The following NACC2 variants were observed in gnomAD, a reference collection of about 807,000 sequenced individuals.
NACC2 encodes the protein nucleus accumbens-associated protein 2.
A neutral mutation model predicts 25.1 loss-of-function variants in NACC2; 8 were observed. The ratio of observed to expected loss-of-function variants is 0.32; its 90% CI spans 0.19 to 0.57. The LOEUF is 0.57. NACC2 is among the 20% of genes least tolerant of loss of function. The pLI, the probability that NACC2 is intolerant of heterozygous loss-of-function variation, is 0.89. For synonymous variants in NACC2, 435 were observed against 294.7 expected, an observed-to-expected ratio of 1.48 and a Z score of -4.88; for missense variants, 644 against 650.2, an observed-to-expected ratio of 0.99 and a Z score of 0.10.
At chr9:136,017,338 C>T (rs1840218817) in intron 2 of NACC2, among the ~76,000 whole-genome samples, 1 of 152,192 alleles carries the variant, frequency 6.6e-6, no homozygotes, top group African/African-American at 2.4e-5. Context: ...GGACTCTCTG[C>T]TGTCAGGGTC....
chr9:136,062,493 A>G (rs770136526), intron 1 of NACC2, among the ~76,000 whole-genome samples: 1 of 152,212 alleles, frequency 6.6e-6, no homozygotes, highest in Non-Finnish European at 1.5e-5. Context: ...CTTCGTCTTC[A>G]GTGCCTAGGC....
At chr9:136,015,567 A>G (rs932437258) in intron 3 of NACC2, among the ~76,000 whole-genome samples, 1 of 152,130 alleles carries the variant, frequency 6.6e-6, no homozygotes, top group Non-Finnish European at 1.5e-5. Flanking sequence ...TGCCCAAGGT[A>G]TGGCCTTTGG....
intron 2 of NACC2, among the ~76,000 whole-genome samples, chr9:136,042,188 A>G (rs909023247): frequency 1.3e-5 from 2 of 152,130 alleles, no homozygotes; most frequent in East Asian, 3.9e-4. Context: ...GGGTTTCACC[A>G]TGTTGGCAAG....
At position 136,013,396 on chromosome 9, in the gene NACC2, C is replaced by A; in HGVS notation, c.1158-100G>T. ...ATGCCCTGCTGGGAGGCCACTTGGCCTCACCCTTGGCTGGTCTGCGTGTGT... is the reference window on the plus strand; with the variant it reads ...ATGCCCTGCTGGGAGGCCACTTGGCATCACCCTTGGCTGGTCTGCGTGTGT... On this transcript the variant is annotated intron_variant, in intron 4 of 5. Transcript: ENST00000277554. This position sits in a 1 kb window ranked among gnomAD's most constrained non-coding sequence, Gnocchi z 6.6. 1 of 1,095,940 alleles carries A rather than the reference C, an allele frequency of 9.1e-7. No homozygotes were observed. Among genetic ancestry groups the A allele is most frequent in the Non-Finnish European group, 1.3e-6 (1 of 743,110 alleles). 67.9% of individuals were successfully genotyped at this position (1,095,940 alleles called of 1,614,324 possible).
chr9:136,018,183 G>A lies in NACC2; in HGVS notation c.887-1754C>T, dbSNP rs1564218509. ...AGAGGCAGGTGCACCTGGCCATGCT[G>A]TCCCTGTTCCCAGTCCCTCCATGAC... On this transcript the variant is annotated intron_variant, in intron 2 of 5. Coordinates refer to ENST00000277554, the MANE Select transcript of NACC2 (RefSeq NM_144653.5). The surrounding 1 kb of genome is among the most constrained non-coding windows in gnomAD (Gnocchi z 4.4). 6.6e-6 allele frequency among the ~76,000 whole-genome samples: 1 copy of A among 152,144 alleles called. No individual in the cohort carries two copies. The highest frequency in any genetic ancestry group is 1.5e-5 in the Non-Finnish European group (1 of 67,994).
Position 136,007,517 on chromosome 9 carries a change from A to ATG in NACC2, c.*3998_*3999insCA, listed in dbSNP as rs1564212944. 2.4e-5 allele frequency: 2 copies of ATG among 83,842 alleles called. No homozygotes were observed. Among genetic ancestry groups the ATG allele is most frequent in the Non-Finnish European group, 6.6e-5 (2 of 30,218 alleles). The allele number at this position is 83,842 out of a possible 1,614,324, so 5.2% of individuals were successfully genotyped here. A position where few individuals can be genotyped will look rare whatever the true frequency, so the allele number is the denominator to read the frequency against. On this transcript the variant is annotated 3_prime_UTR_variant, in exon 6 of 6. Transcript: ENST00000277554. ...GACACACACATGCACAGACGCGCACACACAGACGCACAGACGTGCACACAC... is the reference window on the plus strand; with the variant it reads ...GACACACACATGCACAGACGCGCACATGCACAGACGCACAGACGTGCACACAC...
rs1409948744 is a variant in NACC2, at chr9:136,019,239, T to C, written c.887-2810A>G. The C allele has an allele frequency of 6.7e-6, 1 of 149,206 alleles. No homozygotes were observed. The highest frequency in any genetic ancestry group is 1.5e-5 in the Non-Finnish European group (1 of 66,146). The allele number at this position is 149,206 out of a possible 1,614,324, so 9.2% of individuals were successfully genotyped here. A position where few individuals can be genotyped will look rare whatever the true frequency, so the allele number is the denominator to read the frequency against. On this transcript the variant is annotated intron_variant, in intron 2 of 5. Transcript: ENST00000277554. This position sits in a 1 kb window ranked among gnomAD's most constrained non-coding sequence, Gnocchi z 5.2. ...AACGGAGAACCCGCAGAGAGACTTG[T>C]TCATGGCAGAGACAGGACGGCTCAT...
At chr9:136,083,209 G>A (rs1054047477) in intron 1 of NACC2, among the ~76,000 whole-genome samples, 3 of 152,228 alleles carry the variant, frequency 2.0e-5, no homozygotes, top group Non-Finnish European at 2.9e-5. Flanking sequence ...CAGGGCTCAG[G>A]GGAGCTGGTG....
At chr9:136,051,443 C>A (rs1304260210) in intron 1 of NACC2, among the ~76,000 whole-genome samples, 1 of 152,194 alleles carries the variant, frequency 6.6e-6, no homozygotes, top group Non-Finnish European at 1.5e-5. Context: ...TCCCAGCCCT[C>A]GCCGGGCTGC....
intron 1 of NACC2, among the ~76,000 whole-genome samples, chr9:136,088,371 GCAAAAATTTGAGTC>G (rs1830400779): frequency 6.6e-6 from 1 of 152,106 alleles, no homozygotes; most frequent in African/African-American, 2.4e-5. Context: ...CTCCCCTAGG[GCAAAAATTTGAGTC>G]CACACAGCAA....
chr9:136,077,205 C>A (rs1304556589), intron 1 of NACC2, among the ~76,000 whole-genome samples: 1 of 150,486 alleles, frequency 6.6e-6, no homozygotes, highest in Non-Finnish European at 1.5e-5. Context: ...GTGGCGGGCG[C>A]CTGTAGTCCC....
Position 136,008,393 on chromosome 9 carries a change from G to A in NACC2, c.*3123C>T, listed in dbSNP as rs888084911. The A allele has an allele frequency of 2.0e-5, 3 of 152,360 alleles. No individual in the cohort carries two copies. Among genetic ancestry groups the A allele is most frequent in the Non-Finnish European group, 2.9e-5 (2 of 68,174 alleles). 9.4% of individuals were successfully genotyped at this position (152,360 alleles called of 1,614,324 possible). On this transcript the variant is annotated 3_prime_UTR_variant, in exon 6 of 6. Coordinates refer to ENST00000277554, the MANE Select transcript of NACC2 (RefSeq NM_144653.5). ...ACCTGCCAGGCGGCAGCTCCAACACGGTCCAGTCCCTTCTGTCCTCCTCAA... is the reference window on the plus strand; with the variant it reads ...ACCTGCCAGGCGGCAGCTCCAACACAGTCCAGTCCCTTCTGTCCTCCTCAA...
At chr9:136,072,240 A>G (rs1293021509) in intron 1 of NACC2, among the ~76,000 whole-genome samples, 1 of 151,748 alleles carries the variant, frequency 6.6e-6, no homozygotes, top group Admixed American at 6.6e-5. Flanking sequence ...CTCTGTCTCA[A>G]AAAGAAAAAA....
chr9:136,056,478 C>T (rs1840926560), intron 1 of NACC2, among the ~76,000 whole-genome samples: 1 of 152,218 alleles, frequency 6.6e-6, no homozygotes, highest in Non-Finnish European at 1.5e-5. Context: ...ATCATCCTTC[C>T]TGGGTGGTCT....
At chr9:136,016,463 A>C in intron 2 of NACC2, 34 bp from the exon 3 acceptor site, 2 of 1,609,386 alleles carry the variant, frequency 1.2e-6, no homozygotes, top group Non-Finnish European at 1.7e-6. Flanking sequence ...TCAGATGGGC[A>C]TCTGGGGGGC....
rs751110342 is a variant in NACC2 at position 136,011,682 on chromosome 9, T to G, written c.1598A>C (p.Asp533Ala). Residue 533 changes from aspartate (D) to alanine (A), a missense_variant, in exon 6 of 6, where the codon GAC becomes GCC. By Grantham distance (126) the Asp-to-Ala change is moderately radical. Coordinates refer to ENST00000277554, the MANE Select transcript of NACC2 (RefSeq NM_144653.5). ...NPAFDAGEEV[D>A]GAGSVIQEVA... ...CTCCTGGATGACCGAGCCAGCCCCG[T>G]CCACCTCCTCGCCGGCGTCGAAGGC... 1 of 1,458,410 alleles carries G rather than the reference T, an allele frequency of 6.9e-7. No individual in the cohort carries two copies. The highest frequency in any genetic ancestry group is 1.5e-5 in the African/African-American group (1 of 68,624). 90.3% of individuals were successfully genotyped at this position (1,458,410 alleles called of 1,614,324 possible). A position where few individuals can be genotyped will look rare whatever the true frequency, so the allele number is the denominator to read the frequency against.
chr9:136,031,353 T>C (rs1840469566), intron 2 of NACC2, among the ~76,000 whole-genome samples: 1 of 151,842 alleles, frequency 6.6e-6, no homozygotes, highest in South Asian at 2.1e-4. Flanking sequence ...ATTCATTCAT[T>C]CTGAGATAGA....
At chr9:136,091,682 C>T (rs77095802) in intron 1 of NACC2, among the ~76,000 whole-genome samples, 5,691 of 152,264 alleles carry the variant, frequency 0.037, 322 homozygotes, top group African/African-American at 0.13. Flanking sequence ...AAACAGCAAA[C>T]GCAGGAAGGC....
Position 136,022,554 on chromosome 9 carries a change from G to C in NACC2, c.887-6125C>G, listed in dbSNP as rs1285865127. ...GCTGTTGCCCCTTCCACCCAGCTTT[G>C]GGGGTGGGTCCATGGTCCCAGCTCG... On this transcript the variant is annotated intron_variant, in intron 2 of 5. Coordinates refer to ENST00000277554, the MANE Select transcript of NACC2 (RefSeq NM_144653.5). This position sits in a 1 kb window ranked among gnomAD's most constrained non-coding sequence, Gnocchi z 4.4. Among the ~76,000 whole-genome samples the C allele has an allele frequency of 6.6e-6, 1 of 152,180 alleles. No homozygotes were observed. The highest frequency in any genetic ancestry group is 1.5e-5 in the Non-Finnish European group (1 of 68,036).
Sources: allele counts gnomAD v4.1 joint callset (sites outside exome capture counted in the v4.1 genomes callset), GRCh38; gene constraint gnomAD v4.1.1; non-coding constraint Gnocchi (gnomAD v3.1); transcripts MANE v1.5; gene names NCBI Gene and HGNC (gene_info 2026-07-23, HGNC 2026-07-21).